The following REV1 variants were observed in gnomAD, a reference collection of about 807,000 sequenced individuals.
The protein encoded by REV1 is translesion synthesis protein REV1.
A neutral mutation model predicts 137.4 loss-of-function variants in REV1; 42 were observed. The observed-to-expected ratio is 0.31, with a 90% CI of 0.24 to 0.40. The LOEUF (loss-of-function observed/expected upper bound fraction) is 0.40, where lower values mean the gene tolerates loss of function less well. Ranked by LOEUF, REV1 falls within the 10% of genes least tolerant of loss-of-function variation. The probability of loss-of-function intolerance (pLI) is 1.00; values close to 1 mark genes in which losing one functional copy is unlikely to be tolerated. For missense variants in REV1, 1,282 were observed against 1,490.1 expected (o/e 0.86, Z 2.30); for synonymous variants, 524 against 519.2 (o/e 1.01, Z -0.12).
At chr2:99,484,421 T>C (rs2104299133) in intron 1 of REV1, among the ~76,000 whole-genome samples, 1 of 152,240 alleles carries the variant, frequency 6.6e-6, no homozygotes, top group African/African-American at 2.4e-5. Flanking sequence ...AGGAAACACA[T>C]CACTAGTAAC....
At chr2:99,471,591 T>A (rs1685415550) in intron 1 of REV1, among the ~76,000 whole-genome samples, 1 of 151,828 alleles carries the variant, frequency 6.6e-6, no homozygotes, top group Non-Finnish European at 1.5e-5. Context: ...CTTCTGTGAA[T>A]CACAGGGCAA....
chr2:99,479,746 G>A (rs1302264390), intron 1 of REV1, among the ~76,000 whole-genome samples: 1 of 151,204 alleles, frequency 6.6e-6, no homozygotes, highest in Non-Finnish European at 1.5e-5. Flanking sequence ...CACTGCACTT[G>A]GCCTGGGAGA....
chr2:99,410,669 C>T, intron 14 of REV1, 26 bp downstream of exon 14: 1 of 1,550,680 alleles, frequency 6.4e-7, no homozygotes, highest in Non-Finnish European at 8.7e-7. Flanking sequence ...ATATAATTAC[C>T]AATATCATTT....
At chr2:99,402,026 A>G (rs1273549951) in intron 22 of REV1, among the ~76,000 whole-genome samples, 5 of 152,192 alleles carry the variant, frequency 3.3e-5, no homozygotes, top group African/African-American at 9.6e-5. Context: ...CACTGTGCCC[A>G]GCCCACTTCC....
rs892364000 is a variant in REV1 at position 99,442,456 on chromosome 2, G to A, written c.364C>T (p.Arg122Ter). The A allele has an allele frequency of 1.9e-6, 3 of 1,612,694 alleles. No individual in the cohort carries two copies. Among genetic ancestry groups the A allele is most frequent in the Non-Finnish European group, 1.7e-6 (2 of 1,179,596 alleles). The change falls in exon 5 of 23, where the codon CGA (arginine) becomes TGA (stop). Residue 122 changes from arginine to a stop codon, truncating the protein, a stop_gained. Coordinates refer to ENST00000258428, the MANE Select transcript of REV1 (RefSeq NM_016316.4). LOFTEE classifies it high-confidence loss of function. ...TGATATGGAATGTAGGAGAGGAGTCGTCCAGCTTTGATGCTGAAACAAAAA... is the reference window on the plus strand; with the variant it reads ...TGATATGGAATGTAGGAGAGGAGTCATCCAGCTTTGATGCTGAAACAAAAA... ...EWIVESIKAGRLLSYIPYQLY... is the reference protein window; with the variant it reads ...EWIVESIKAG
intron 12 of REV1, among the ~76,000 whole-genome samples, chr2:99,418,003 CG>C (rs1455754215): frequency 6.6e-6 from 1 of 152,106 alleles, no homozygotes; most frequent in African/African-American, 2.4e-5. Flanking sequence ...TTATATACTA[CG>C]GGGGTCAGGA....
intron 1 of REV1, among the ~76,000 whole-genome samples, chr2:99,482,163 T>C (rs1348085185): frequency 6.6e-6 from 1 of 152,212 alleles, no homozygotes; most frequent in Admixed American, 6.5e-5. Context: ...ATCATACCTA[T>C]GTAATAAAAG....
intron 1 of REV1, among the ~76,000 whole-genome samples, chr2:99,471,577 A>C (rs1160628977): frequency 6.6e-6 from 1 of 152,194 alleles, no homozygotes; most frequent in African/African-American, 2.4e-5. Flanking sequence ...ATAAAAATTT[A>C]AAACTTCTGT....
chr2:99,439,408 T>C (rs1173147543), intron 5 of REV1, 98 bp from the exon 6 acceptor site: 2 of 756,092 alleles, frequency 2.6e-6, no homozygotes, highest in South Asian at 2.3e-5. Flanking sequence ...CAGTTTGGTA[T>C]TTCCCCCTTT....
At chr2:99,424,622 G>T in intron 9 of REV1, 1 of 545,228 alleles carries the variant, frequency 1.8e-6, no homozygotes, top group Non-Finnish European at 2.8e-6. Flanking sequence ...CCACCACAGA[G>T]CAGGAATATG....
At chr2:99,470,297 G>A (rs1039641094) in intron 1 of REV1, among the ~76,000 whole-genome samples, 1 of 152,134 alleles carries the variant, frequency 6.6e-6, no homozygotes, top group Non-Finnish European at 1.5e-5. Context: ...ATTAACTAAT[G>A]AAATTCATTT....
At position 99,438,581 on chromosome 2, in the gene REV1, C is replaced by A. The variant is rs1681062820; in HGVS notation, c.1213+20G>T. The A allele has an allele frequency of 6.4e-7, 1 of 1,567,108 alleles. No individual in the cohort carries two copies. On this transcript the variant is annotated intron_variant, in intron 6 of 22. Transcript: ENST00000258428. ...CAAGCATGACTGTTTCTTAAGAAGACAATTTTAATAAGTATCTACCTGTGT... is the reference window on the plus strand; with the variant it reads ...CAAGCATGACTGTTTCTTAAGAAGAAAATTTTAATAAGTATCTACCTGTGT...
At chr2:99,473,160 G>A (rs1685597372) in intron 1 of REV1, among the ~76,000 whole-genome samples, 1 of 152,080 alleles carries the variant, frequency 6.6e-6, no homozygotes, top group Non-Finnish European at 1.5e-5. Context: ...GAGGTCAGGA[G>A]TTTGAGACCA....
At chr2:99,445,782 G>A (rs558752701) in intron 4 of REV1, among the ~76,000 whole-genome samples, 1 of 152,140 alleles carries the variant, frequency 6.6e-6, no homozygotes, top group African/African-American at 2.4e-5. Flanking sequence ...GGATTCCCTT[G>A]CCTCTTCAAA....
chr2:99,462,475 G>C, intron 3 of REV1, 21 bp downstream of exon 3: 1 of 1,584,754 alleles, frequency 6.3e-7, no homozygotes, highest in Non-Finnish European at 8.5e-7. Context: ...CCAAAATAGG[G>C]TTAAGTAAAA....
intron 1 of REV1, among the ~76,000 whole-genome samples, chr2:99,472,494 G>C (rs576435399): frequency 6.6e-6 from 1 of 152,296 alleles, no homozygotes; most frequent in South Asian, 2.1e-4. Context: ...TAATGTGACT[G>C]AACAGTTAAA....
At chr2:99,488,873 T>C (rs1258843307) in intron 1 of REV1, among the ~76,000 whole-genome samples, 2 of 152,242 alleles carry the variant, frequency 1.3e-5, no homozygotes, top group Admixed American at 6.5e-5. Flanking sequence ...AAGTCCTTAA[T>C]AGTTACAAGC....
chr2:99,470,757 A>G (rs1022055994), intron 1 of REV1, among the ~76,000 whole-genome samples: 1 of 152,186 alleles, frequency 6.6e-6, no homozygotes, highest in Admixed American at 6.5e-5. Flanking sequence ...GTTCCAGCCA[A>G]TGGAAACCGG....
chr2:99,469,355 T>G (rs999560025), intron 1 of REV1, among the ~76,000 whole-genome samples: 5 of 152,248 alleles, frequency 3.3e-5, no homozygotes, highest in African/African-American at 1.2e-4. Context: ...TGTTTCCATG[T>G]GACTCTGTAA....
Sources: allele counts gnomAD v4.1 joint callset (sites outside exome capture counted in the v4.1 genomes callset), GRCh38; gene constraint gnomAD v4.1.1; transcripts MANE v1.5; gene names NCBI Gene and HGNC (gene_info 2026-07-23, HGNC 2026-07-21).